The following MAGI1 variants were observed in gnomAD, a reference collection of about 807,000 sequenced individuals.
MAGI1 encodes membrane associated guanylate kinase, WW and PDZ domain containing 1, also known as membrane-associated guanylate kinase, WW and PDZ domain-containing protein 1.
In MAGI1, 58 loss-of-function variants were observed where a neutral mutation model predicts 139.9. The ratio of observed to expected loss-of-function variants is 0.41; its 90% CI spans 0.34 to 0.52. The LOEUF is 0.52. Among genes scored for constraint, MAGI1 ranks in the 20% least tolerant of loss-of-function variants. The pLI is 0.12. For missense variants in MAGI1, 1,874 were observed against 1,901.6 expected (o/e 0.99, Z 0.27); for synonymous variants, 812 against 737.9 (o/e 1.10, Z -1.63).
At chr3:65,658,554 T>C (rs990997075) in intron 1 of MAGI1, among the ~76,000 whole-genome samples, 3 of 152,176 alleles carry the variant, frequency 2.0e-5, no homozygotes, top group Non-Finnish European at 4.4e-5. Flanking sequence ...CTCAATTATC[T>C]AGGGATTTGG....
chr3:65,437,829 C>A (rs991343256), intron 9 of MAGI1, among the ~76,000 whole-genome samples: 3 of 152,306 alleles, frequency 2.0e-5, no homozygotes, highest in South Asian at 4.1e-4. Flanking sequence ...TTCAATTGTA[C>A]ATTCTCATTT....
chr3:65,820,755 T>G (rs926967795), intron 1 of MAGI1, among the ~76,000 whole-genome samples: 1 of 152,174 alleles, frequency 6.6e-6, no homozygotes, highest in Non-Finnish European at 1.5e-5. Flanking sequence ...TTGAGTAGTC[T>G]GCATCATCAA....
intron 1 of MAGI1, among the ~76,000 whole-genome samples, chr3:65,823,553 G>GAC (rs2042058909): frequency 6.6e-6 from 1 of 152,134 alleles, no homozygotes; most frequent in Non-Finnish European, 1.5e-5. Flanking sequence ...TGCTTCTCCT[G>GAC]ACACACACAT....
intron 1 of MAGI1, among the ~76,000 whole-genome samples, chr3:65,965,947 C>T (rs2064718130): frequency 6.6e-6 from 1 of 152,156 alleles, no homozygotes; most frequent in African/African-American, 2.4e-5. Flanking sequence ...GCCATCACGC[C>T]CCACCAGTCA....
chr3:65,846,544 C>A (rs2059003281), intron 1 of MAGI1, among the ~76,000 whole-genome samples: 2 of 152,204 alleles, frequency 1.3e-5, no homozygotes, highest in South Asian at 4.1e-4. Flanking sequence ...TAGGGCCCCA[C>A]AAAGGTCCTT....
chr3:66,034,261 G>A (rs887072337), intron 1 of MAGI1, among the ~76,000 whole-genome samples: 1 of 151,252 alleles, frequency 6.6e-6, no homozygotes, highest in African/African-American at 2.4e-5. Context: ...TAATGCCACT[G>A]GTCTGAGGAC....
chr3:65,928,196 G>T (rs1330336258), intron 1 of MAGI1, among the ~76,000 whole-genome samples: 2 of 152,126 alleles, frequency 1.3e-5, no homozygotes, highest in Non-Finnish European at 2.9e-5. Flanking sequence ...ACACCAGACA[G>T]CCAACTGTGT....
chr3:65,856,153 C>T (rs965789488), intron 1 of MAGI1, among the ~76,000 whole-genome samples: 2 of 151,932 alleles, frequency 1.3e-5, no homozygotes, highest in African/African-American at 4.8e-5. Flanking sequence ...ACTTATATTT[C>T]GATTTAAATA....
intron 3 of MAGI1, among the ~76,000 whole-genome samples, chr3:65,479,631 A>T (rs1951130363): frequency 6.6e-6 from 1 of 152,208 alleles, no homozygotes; most frequent in Non-Finnish European, 1.5e-5. Context: ...TAAGAAAAAA[A>T]GCAATACTTT....
intron 2 of MAGI1, among the ~76,000 whole-genome samples, chr3:65,607,739 C>T (rs1284316509): frequency 6.6e-6 from 1 of 152,030 alleles, no homozygotes; most frequent in African/African-American, 2.4e-5. Context: ...TCATTTGTTC[C>T]CATCACAAGA....
intron 2 of MAGI1, among the ~76,000 whole-genome samples, chr3:65,526,908 A>G (rs984010494): frequency 6.6e-6 from 1 of 151,180 alleles, no homozygotes; most frequent in African/African-American, 2.4e-5. Context: ...TGGGACCTTC[A>G]AAGGCCACCA....
intron 4 of MAGI1, among the ~76,000 whole-genome samples, chr3:65,474,342 C>T (rs1950733849): frequency 6.6e-6 from 1 of 152,076 alleles, no homozygotes; most frequent in African/African-American, 2.4e-5. Flanking sequence ...TAAAGGTTAC[C>T]AGTGAATCCA....
intron 1 of MAGI1, among the ~76,000 whole-genome samples, chr3:66,033,949 G>C (rs905296456): frequency 3.3e-5 from 5 of 152,084 alleles, no homozygotes; most frequent in African/African-American, 1.2e-4. Flanking sequence ...CTTATTTTTG[G>C]CATAGAGAAA....
chr3:65,693,787 G>C (rs1019509112), intron 1 of MAGI1, among the ~76,000 whole-genome samples: 6 of 151,846 alleles, frequency 4.0e-5, no homozygotes, highest in Non-Finnish European at 8.8e-5. Flanking sequence ...GCAGTGGCAC[G>C]ATCTTGACTC....
intron 1 of MAGI1, among the ~76,000 whole-genome samples, chr3:65,784,439 C>A (rs2039210299): frequency 6.6e-6 from 1 of 152,146 alleles, no homozygotes; most frequent in African/African-American, 2.4e-5. Flanking sequence ...GTGGTAGGGC[C>A]AGGAGCGTTG....
chr3:65,988,059 T>C (rs1029710553), intron 1 of MAGI1, among the ~76,000 whole-genome samples: 1 of 152,218 alleles, frequency 6.6e-6, no homozygotes, highest in Non-Finnish European at 1.5e-5. Context: ...GAACACATTG[T>C]TAAAAGCTTA....
At chr3:65,819,216 G>A (rs1020856086) in intron 1 of MAGI1, among the ~76,000 whole-genome samples, 22 of 152,056 alleles carry the variant, frequency 1.4e-4, no homozygotes, top group Non-Finnish European at 2.9e-5. Context: ...CCTGGGAGGC[G>A]GAGGTTGCGG....
intron 1 of MAGI1, among the ~76,000 whole-genome samples, chr3:65,938,370 T>C (rs1460976230): frequency 1.3e-5 from 2 of 148,646 alleles, no homozygotes; most frequent in Non-Finnish European, 3.0e-5. Flanking sequence ...TTATATTAAA[T>C]ATATTAACTT....
At position 65,958,429 on chromosome 3, in the gene MAGI1, A is replaced by G. The variant is rs77949962; in HGVS notation, c.313+79567T>C. ...GGTATGCATGCAATCCATCTCAAGAAGAGGCTTACCTGCACAGTGACTAGG... is the reference window on the plus strand; with the variant it reads ...GGTATGCATGCAATCCATCTCAAGAGGAGGCTTACCTGCACAGTGACTAGG... On this transcript the variant is annotated intron_variant, in intron 1 of 22. Transcript: ENST00000402939. 1.3e-4 allele frequency among the ~76,000 whole-genome samples: 20 copies of G among 152,324 alleles called. No homozygotes were observed. In the East Asian group the frequency reaches 3.9e-3, roughly 29 times the overall value.
Sources: gnomAD v4.1 joint callset for allele counts (sites outside exome capture counted in the v4.1 genomes callset) on GRCh38, gnomAD v4.1.1 for gene constraint, MANE v1.5 for transcripts, NCBI Gene and HGNC (gene_info 2026-07-23, HGNC 2026-07-21) for gene names.